ADAMTS12: variants seen among roughly 807,000 people sequenced by gnomAD.
ADAMTS12 encodes ADAM metallopeptidase with thrombospondin type 1 motif 12.
Under a neutral mutation model 167.8 loss-of-function variants are expected in ADAMTS12, and 118 were observed. The ratio of observed to expected loss-of-function variants is 0.70; its 90% CI spans 0.61 to 0.82. ADAMTS12 has a LOEUF of 0.82. Ranked by LOEUF, ADAMTS12 falls within the 40% of genes least tolerant of loss-of-function variation. ADAMTS12 has a pLI of 0.00. For missense variants in ADAMTS12, 1,916 were observed against 1,998.8 expected, an observed-to-expected ratio of 0.96 and a Z score of 0.79; for synonymous variants, 704 against 716.9, an observed-to-expected ratio of 0.98 and a Z score of 0.29.
intron 3 of ADAMTS12, among the ~76,000 whole-genome samples, chr5:33,722,483 G>A (rs551644572): frequency 1.1e-3 from 172 of 152,282 alleles, no homozygotes; most frequent in African/African-American, 4.0e-3. Context: ...AGAGACATTA[G>A]GTGATCTGTC....
chr5:33,532,696 A>C (rs552957330), intron 23 of ADAMTS12, among the ~76,000 whole-genome samples: 12 of 152,288 alleles, frequency 7.9e-5, no homozygotes, highest in African/African-American at 2.6e-4. Context: ...ACTAATGTGG[A>C]AATAATAGTT....
At chr5:33,852,851 A>C (rs1246546707) in intron 2 of ADAMTS12, among the ~76,000 whole-genome samples, 1 of 152,258 alleles carries the variant, frequency 6.6e-6, no homozygotes, top group Admixed American at 6.5e-5. Flanking sequence ...AATAACAGGT[A>C]TCATCAATAA....
chr5:33,682,498 C>T (rs1323539352), intron 5 of ADAMTS12, among the ~76,000 whole-genome samples: 1 of 152,096 alleles, frequency 6.6e-6, no homozygotes, highest in African/African-American at 2.4e-5. Flanking sequence ...ATAAGACTTA[C>T]ATTTAAGTCT....
rs1743728429 is a variant in ADAMTS12 at position 33,524,683 on chromosome 5, C to G, written c.*2505G>C. 6.6e-6 allele frequency: 1 copy of G among 152,160 alleles called. No individual in the cohort carries two copies. The highest frequency in any genetic ancestry group is 6.5e-5 in the Admixed American group (1 of 15,278). The allele number at this position is 152,160 out of a possible 1,614,324, so 9.4% of individuals were successfully genotyped here. A position where few individuals can be genotyped will look rare whatever the true frequency, so the allele number is the denominator to read the frequency against. On this transcript the variant is annotated 3_prime_UTR_variant, in exon 24 of 24. Transcript: ENST00000504830. ...CTGACGACTCATCACTGAGTGATCG[C>G]CAAGGCAACAGATGATACCAACAGG...
chr5:33,747,257 C>T (rs1171051125), intron 3 of ADAMTS12, among the ~76,000 whole-genome samples: 4 of 152,048 alleles, frequency 2.6e-5, no homozygotes, highest in Admixed American at 6.5e-5. Context: ...CCAGGGGAGA[C>T]AACTATTCAT....
intron 2 of ADAMTS12, among the ~76,000 whole-genome samples, chr5:33,801,187 T>A (rs978157938): frequency 3.9e-5 from 6 of 152,200 alleles, no homozygotes; most frequent in African/African-American, 1.2e-4. Flanking sequence ...GAAACCGATT[T>A]TGGACTTCTG....
chr5:33,744,687 G>T (rs1218744273), intron 3 of ADAMTS12, among the ~76,000 whole-genome samples: 2 of 152,322 alleles, frequency 1.3e-5, no homozygotes, highest in African/African-American at 2.4e-5. Context: ...AGGCAGAAAT[G>T]ACAAGACTTG....
chr5:33,837,826 G>A (rs185015820), intron 2 of ADAMTS12, among the ~76,000 whole-genome samples: 258 of 152,310 alleles, frequency 1.7e-3, no homozygotes, highest in Non-Finnish European at 3.2e-3. Flanking sequence ...TTTTAAAGAA[G>A]CCACATTTGT....
At chr5:33,759,143 C>CT (rs1159537590) in intron 2 of ADAMTS12, among the ~76,000 whole-genome samples, 1 of 152,240 alleles carries the variant, frequency 6.6e-6, no homozygotes, top group African/African-American at 2.4e-5. Flanking sequence ...TCCCAGGCAT[C>CT]TTCTTGGCCT....
At chr5:33,660,216 A>G (rs1340089001) in intron 6 of ADAMTS12, among the ~76,000 whole-genome samples, 1 of 152,152 alleles carries the variant, frequency 6.6e-6, no homozygotes, top group Non-Finnish European at 1.5e-5. Context: ...TGACTATAAG[A>G]AAAAAAGGAG....
At chr5:33,743,642 C>T (rs1410685595) in intron 3 of ADAMTS12, among the ~76,000 whole-genome samples, 1 of 152,190 alleles carries the variant, frequency 6.6e-6, no homozygotes, top group Non-Finnish European at 1.5e-5. Flanking sequence ...AGTGTGGGAG[C>T]TCGCTGAGTA....
intron 18 of ADAMTS12, among the ~76,000 whole-genome samples, chr5:33,582,140 A>T (rs1747095839): frequency 6.6e-6 from 1 of 152,232 alleles, no homozygotes; most frequent in African/African-American, 2.4e-5. Flanking sequence ...TAATAAAAAA[A>T]AATCAGACCT....
intron 10 of ADAMTS12, among the ~76,000 whole-genome samples, chr5:33,643,143 T>A (rs1192591393): frequency 6.6e-6 from 1 of 152,156 alleles, no homozygotes; most frequent in Non-Finnish European, 1.5e-5. Context: ...GAAACAGATG[T>A]TTTACAAGTG....
At chr5:33,585,464 A>G (rs868193062) in intron 18 of ADAMTS12, among the ~76,000 whole-genome samples, 2 of 152,320 alleles carry the variant, frequency 1.3e-5, no homozygotes, top group Middle Eastern at 3.4e-3. Flanking sequence ...AACTGTATAA[A>G]CAAACACACA....
intron 3 of ADAMTS12, among the ~76,000 whole-genome samples, chr5:33,738,418 G>A (rs1744443137): frequency 6.6e-6 from 1 of 152,134 alleles, no homozygotes; most frequent in Admixed American, 6.5e-5. Flanking sequence ...CTCAAGAAAT[G>A]AAGGTATGCA....
At chr5:33,810,417 C>G (rs368260186) in intron 2 of ADAMTS12, among the ~76,000 whole-genome samples, 1 of 152,142 alleles carries the variant, frequency 6.6e-6, no homozygotes, top group African/African-American at 2.4e-5. Context: ...AGTAAATGTT[C>G]CAATTGCAGT....
Position 33,783,726 on chromosome 5 carries a change from A to G in ADAMTS12, c.490-32178T>C, listed in dbSNP as rs148649339. Among the ~76,000 whole-genome samples the G allele has an allele frequency of 5.9e-3, 901 of 152,044 alleles. 15 individuals are homozygous for G. Among genetic ancestry groups the G allele is most frequent in the African/African-American group, 0.021 (875 of 41,558 alleles). On this transcript the variant is annotated intron_variant, in intron 2 of 23. Coordinates refer to ENST00000504830, the MANE Select transcript of ADAMTS12 (RefSeq NM_030955.4). ...ACCAAATCAGTAATTAAAAAATCTT[A>G]CCATGAAGAAAAACCCAGGTTCAGT...
At chr5:33,623,707 AC>A (rs1271355300) in intron 14 of ADAMTS12, among the ~76,000 whole-genome samples, 1 of 152,210 alleles carries the variant, frequency 6.6e-6, no homozygotes, top group Non-Finnish European at 1.5e-5. Context: ...TTGGGAATAA[AC>A]GAGATTTGAT....
chr5:33,804,402 G>A (rs1747139283), intron 2 of ADAMTS12, among the ~76,000 whole-genome samples: 1 of 152,144 alleles, frequency 6.6e-6, no homozygotes, highest in African/African-American at 2.4e-5. Flanking sequence ...GCCTCAGAAG[G>A]AACATACAGA....
Sources: gnomAD v4.1 joint callset for allele counts (sites outside exome capture counted in the v4.1 genomes callset) on GRCh38, gnomAD v4.1.1 for gene constraint, MANE v1.5 for transcripts, NCBI Gene and HGNC (gene_info 2026-07-23, HGNC 2026-07-21) for gene names.